The following EPB41 variants were observed in gnomAD, a reference collection of about 807,000 sequenced individuals.
EPB41 encodes erythrocyte membrane protein band 4.1.
In EPB41, 65 loss-of-function variants were observed where a neutral mutation model predicts 108.0. That is an observed-to-expected ratio of 0.60 (90% CI 0.49 to 0.74). The LOEUF is 0.74. Among genes scored for constraint, EPB41 ranks in the 30% least tolerant of loss-of-function variants. The pLI is 0.00. For synonymous variants in EPB41, 336 were observed against 358.9 expected (o/e 0.94, Z 0.72); for missense variants, 875 against 1,037.0 (o/e 0.84, Z 2.15).
chr1:28,972,605 G>GTT (rs552422214), intron 1 of EPB41, among the ~76,000 whole-genome samples: 2 of 145,186 alleles, frequency 1.4e-5, no homozygotes. Context: ...ATGGCAAGCA[G>GTT]TTTTTTTTTT....
intron 1 of EPB41, among the ~76,000 whole-genome samples, chr1:28,892,114 A>AAT: frequency 6.6e-6 from 1 of 151,274 alleles, no homozygotes. Flanking sequence ...AAAAAAAAAA[A>AAT]AGAATAACAC....
In EPB41 at chr1:29,047,672, A is replaced by G. The variant is rs138474582; in HGVS notation, c.1637-5432A>G. On this transcript the variant is annotated intron_variant, in intron 11 of 20. Coordinates refer to ENST00000343067, the MANE Select transcript of EPB41 (RefSeq NM_001376013.1). Reference sequence around the variant, plus strand: ...AGCAGGGTCCACTTTTGCATTCCTGATATTGGTAAGTTGTACCTTTTTGTT... The same window carrying G: ...AGCAGGGTCCACTTTTGCATTCCTGGTATTGGTAAGTTGTACCTTTTTGTT... Among the ~76,000 whole-genome samples, 315 of 152,154 alleles carry G rather than the reference A, an allele frequency of 2.1e-3. 1 individual carries two copies. The highest frequency in any genetic ancestry group is 7.1e-3 in the African/African-American group (296 of 41,528).
At chr1:28,904,504 T>TAATG (rs1354322817) in intron 1 of EPB41, among the ~76,000 whole-genome samples, 19 of 152,270 alleles carry the variant, frequency 1.2e-4, no homozygotes, top group African/African-American at 4.6e-4. Flanking sequence ...ACCTCTAAGG[T>TAATG]AATGGTATTT....
chr1:29,038,841 A>G (rs1640460445), intron 10 of EPB41, among the ~76,000 whole-genome samples: 1 of 152,258 alleles, frequency 6.6e-6, no homozygotes, highest in Non-Finnish European at 1.5e-5. Context: ...CAAAACTGTC[A>G]TTCCAGGAGA....
At chr1:29,106,191 T>G (rs765557835) in intron 17 of EPB41, among the ~76,000 whole-genome samples, 1 of 152,074 alleles carries the variant, frequency 6.6e-6, no homozygotes, top group South Asian at 2.1e-4. Flanking sequence ...ACAGGGTAAG[T>G]AGGAAAACAT....
At position 28,976,070 on chromosome 1, in the gene EPB41, G is replaced by A. The variant is rs529319169; in HGVS notation, c.-7-11361G>A. 4.6e-5 allele frequency among the ~76,000 whole-genome samples: 7 copies of A among 152,226 alleles called. No individual in the cohort carries two copies. In the South Asian group the frequency reaches 1.2e-3, roughly 27 times the overall value. On this transcript the variant is annotated intron_variant, in intron 1 of 20. Transcript: ENST00000343067. ...GTGCATAACTTCTCAACAGATAGGG[G>A]TTTAGTTAACAGAGAAGCATCTCTG...
chr1:29,036,708 G>A (rs1374816158), intron 10 of EPB41, among the ~76,000 whole-genome samples: 5 of 136,700 alleles, frequency 3.7e-5, no homozygotes, highest in African/African-American at 8.4e-5. Context: ...ACAGAGTCTC[G>A]CTCTGTCGCC....
At chr1:29,049,673 C>T (rs568479787) in intron 11 of EPB41, among the ~76,000 whole-genome samples, 1 of 152,296 alleles carries the variant, frequency 6.6e-6, no homozygotes, top group Non-Finnish European at 1.5e-5. Flanking sequence ...TGCCTTTACT[C>T]AGTCTGATGG....
intron 11 of EPB41, among the ~76,000 whole-genome samples, chr1:29,040,738 T>C (rs1466112173): frequency 1.3e-5 from 2 of 152,192 alleles, no homozygotes; most frequent in Non-Finnish European, 2.9e-5. Context: ...TCTGAATTGA[T>C]ATATTGTGGG....
At chr1:28,954,085 A>G (rs1039987392) in intron 1 of EPB41, among the ~76,000 whole-genome samples, 13 of 152,242 alleles carry the variant, frequency 8.5e-5, no homozygotes, top group African/African-American at 2.7e-4. Flanking sequence ...AACATGTTCC[A>G]TAACAATTCT....
At chr1:29,029,593 A>G (rs772751698) in intron 7 of EPB41, among the ~76,000 whole-genome samples, 1 of 152,210 alleles carries the variant, frequency 6.6e-6, no homozygotes, top group Non-Finnish European at 1.5e-5. Flanking sequence ...GTGCAGCATT[A>G]GGAGTGATAT....
intron 7 of EPB41, among the ~76,000 whole-genome samples, chr1:29,026,659 C>G (rs1572681555): frequency 6.6e-6 from 1 of 152,106 alleles, no homozygotes; most frequent in East Asian, 1.9e-4. Flanking sequence ...CATGGTGGCT[C>G]ATGCCTGTAA....
chr1:29,065,172 C>G lies in EPB41; in HGVS notation c.2184+14C>G, dbSNP rs545622692. On this transcript the variant is annotated intron_variant, in intron 16 of 20. Coordinates refer to ENST00000343067, the MANE Select transcript of EPB41 (RefSeq NM_001376013.1). ...ACAGGAGAAGGAGTGAGTACTTTGT[C>G]CACATGACCAATTGTGAAAATGGAG... 4.6e-5 allele frequency: 71 copies of G among 1,556,082 alleles called. No homozygotes were observed. In the South Asian group the frequency reaches 8.1e-4, roughly 18 times the overall value.
chr1:28,896,112 C>G (rs7525725), intron 1 of EPB41, among the ~76,000 whole-genome samples: 8,668 of 152,244 alleles, frequency 0.057, 647 homozygotes, highest in African/African-American at 0.17. Flanking sequence ...CCTCTTGGAG[C>G]CTCAGTTTTC....
At chr1:28,894,260 G>T (rs1557607802) in intron 1 of EPB41, among the ~76,000 whole-genome samples, 2 of 152,202 alleles carry the variant, frequency 1.3e-5, no homozygotes, top group Non-Finnish European at 2.9e-5. Flanking sequence ...AGCGCCTAGG[G>T]TATAGTAGCA....
chr1:29,066,143 G>A (rs764188265), intron 16 of EPB41, among the ~76,000 whole-genome samples: 4 of 151,926 alleles, frequency 2.6e-5, no homozygotes, highest in Admixed American at 1.3e-4. Context: ...CATCTGGGCC[G>A]GGCGCGGTGG....
intron 17 of EPB41, among the ~76,000 whole-genome samples, chr1:29,104,646 T>C (rs1666542503): frequency 6.6e-6 from 1 of 152,070 alleles, no homozygotes; most frequent in South Asian, 2.1e-4. Flanking sequence ...TGCAGTAGCA[T>C]GATCTCAGCT....
chr1:29,070,124 G>A (rs992299134), intron 16 of EPB41: 1 of 350,238 alleles, frequency 2.9e-6, no homozygotes, highest in Admixed American at 4.7e-5. Context: ...GAAAGCCAGT[G>A]ATTCCTTGAA....
intron 1 of EPB41, among the ~76,000 whole-genome samples, chr1:28,963,039 T>A (rs1009714440): frequency 2.0e-5 from 3 of 152,204 alleles, no homozygotes. Flanking sequence ...TCTTAGTGCC[T>A]TGTGCTTGGT....
Sources: allele counts gnomAD v4.1 joint callset (sites outside exome capture counted in the v4.1 genomes callset), GRCh38; gene constraint gnomAD v4.1.1; transcripts MANE v1.5; gene names NCBI Gene and HGNC (gene_info 2026-07-23, HGNC 2026-07-21).